TRAK1: variants seen among roughly 807,000 people sequenced by gnomAD.
The protein encoded by TRAK1 is trafficking kinesin protein 1, also known as trafficking kinesin-binding protein 1.
A neutral mutation model predicts 92.1 loss-of-function variants in TRAK1; 33 were observed. The ratio of observed to expected loss-of-function variants is 0.36; its 90% CI spans 0.27 to 0.48. The LOEUF is 0.48. Ranked by LOEUF, TRAK1 falls within the 20% of genes least tolerant of loss-of-function variation. The probability of loss-of-function intolerance (pLI) is 0.99; values close to 1 mark genes in which losing one functional copy is unlikely to be tolerated. For synonymous variants in TRAK1, 521 were observed against 517.3 expected (o/e 1.01, Z -0.10); for missense variants, 1,123 against 1,257.9 (o/e 0.89, Z 1.62).
At chr3:42,091,335 A>G, upstream of TRAK1, 4 of 740,344 alleles carry the variant, frequency 5.4e-6, no homozygotes, top group Non-Finnish European at 9.0e-6. Flanking sequence ...CAATCTTAGG[A>G]TTTGCCCTAA....
chr3:42,193,739 TC>T, intron 8 of TRAK1, 84 bp from the exon 9 acceptor site: 1 of 1,332,116 alleles, frequency 7.5e-7, no homozygotes, highest in South Asian at 1.2e-5. Context: ...AGTGATGAGT[TC>T]ATTACAGATT....
chr3:42,068,640 C>T (rs535050005), intron 1 of TRAK1, among the ~76,000 whole-genome samples: 11 of 152,248 alleles, frequency 7.2e-5, no homozygotes, highest in Admixed American at 5.2e-4. Context: ...AAATATAATT[C>T]GTCTCTACTT....
At chr3:42,085,572 G>A (rs1704632297), upstream of TRAK1, among the ~76,000 whole-genome samples, 1 of 152,180 alleles carries the variant, frequency 6.6e-6, no homozygotes, top group Admixed American at 6.5e-5. Flanking sequence ...AAACCTGTTG[G>A]GAAAAAGGTC....
chr3:42,119,199 G>A (rs1395860701), intron 1 of TRAK1, among the ~76,000 whole-genome samples: 2 of 152,292 alleles, frequency 1.3e-5, no homozygotes, highest in Non-Finnish European at 1.5e-5. Flanking sequence ...TTCTAACATC[G>A]TAGTGAAGTC....
At chr3:42,141,820 C>A (rs1165841368) in intron 2 of TRAK1, among the ~76,000 whole-genome samples, 6 of 152,146 alleles carry the variant, frequency 3.9e-5, no homozygotes, top group African/African-American at 1.2e-4. Context: ...AGGATGATGT[C>A]ATCTCAAGAC....
chr3:42,022,312 A>T (rs1376132421), intron 1 of TRAK1, among the ~76,000 whole-genome samples: 2 of 152,354 alleles, frequency 1.3e-5, no homozygotes, highest in Non-Finnish European at 2.9e-5. Flanking sequence ...GATTGTTATT[A>T]TTACAGCAGT....
chr3:42,216,817 T>G (rs1469812582), intron 14 of TRAK1, among the ~76,000 whole-genome samples: 3 of 152,190 alleles, frequency 2.0e-5, no homozygotes, highest in Non-Finnish European at 2.9e-5. Context: ...AATATGTGCC[T>G]GTCTCTTCAA....
intron 1 of TRAK1, among the ~76,000 whole-genome samples, chr3:42,120,736 C>A (rs567879640): frequency 2.0e-5 from 3 of 152,008 alleles, no homozygotes; most frequent in African/African-American, 7.3e-5. Context: ...TTAGTACAGA[C>A]GGGGTTTCAA....
At chr3:42,158,965 AATAATAAT>A (rs1700901819) in intron 2 of TRAK1, among the ~76,000 whole-genome samples, 1 of 22,050 alleles carries the variant, frequency 4.5e-5, no homozygotes, top group African/African-American at 1.1e-4. Flanking sequence ...TCTCAAAAAT[AATAATAAT>A]AATAATAATA....
At chr3:42,215,123 CT>C (rs984560521) in intron 14 of TRAK1, among the ~76,000 whole-genome samples, 1 of 152,132 alleles carries the variant, frequency 6.6e-6, no homozygotes, top group African/African-American at 2.4e-5. Flanking sequence ...CATCATAGAA[CT>C]TTTTTTCCCC....
At chr3:42,217,097 CT>C (rs550975120) in intron 14 of TRAK1, 9,122 of 146,476 alleles carry the variant, frequency 0.062, 726 homozygotes, top group African/African-American at 0.22. Context: ...CTCTCTCTCT[CT>C]TTTTTTTTTT....
At chr3:42,105,058 T>A (rs1310193349) in intron 1 of TRAK1, among the ~76,000 whole-genome samples, 1 of 150,930 alleles carries the variant, frequency 6.6e-6, no homozygotes, top group Non-Finnish European at 1.5e-5. Flanking sequence ...TTCAAGTGAG[T>A]CTCCTGCCTC....
In TRAK1 at chr3:42,223,229, C is replaced by T. The variant is rs201913227; in HGVS notation, c.2354C>T (p.Ser785Leu). Reference sequence around the variant, plus strand: ...GTGATCCCCTCTACTCCGCCGAACTCGCCTATGCAGACACCCACATCCTCC... The same window carrying T: ...GTGATCCCCTCTACTCCGCCGAACTTGCCTATGCAGACACCCACATCCTCC... Reference protein sequence around the residue: ...MAVIPSTPPNSPMQTPTSSPP... With the variant: ...MAVIPSTPPNLPMQTPTSSPP... The change falls in exon 16 of 16, where the codon TCG becomes TTG. Residue 785 changes from serine to leucine, a missense_variant. By Grantham distance (145) the Ser-to-Leu change is moderately radical (BLOSUM62 -2). Transcript: ENST00000327628. The surrounding 1 kb of genome is among the most constrained non-coding windows in gnomAD (Gnocchi z 6.1). The T allele has an allele frequency of 6.6e-4, 1,068 of 1,614,098 alleles. No individual in the cohort carries two copies. The highest frequency in any genetic ancestry group is 8.4e-4 in the Non-Finnish European group (991 of 1,180,044).
chr3:42,039,096 A>G (rs1490780025), intron 1 of TRAK1, among the ~76,000 whole-genome samples: 1 of 151,838 alleles, frequency 6.6e-6, no homozygotes, highest in Non-Finnish European at 1.5e-5. Context: ...CCCTCCCTCC[A>G]TTTCCCAGCC....
chr3:42,146,795 A>C (rs532781715), intron 2 of TRAK1, among the ~76,000 whole-genome samples: 2 of 152,280 alleles, frequency 1.3e-5, no homozygotes, highest in Non-Finnish European at 2.9e-5. Flanking sequence ...GCCTCAAACT[A>C]TCCTTCCTTC....
intron 14 of TRAK1, chr3:42,217,126 C>A (rs2149533775): frequency 1.0e-4 from 20 of 200,808 alleles, no homozygotes; most frequent in East Asian, 2.0e-4. Flanking sequence ...TTAGAACTTG[C>A]TCTCTTCCTG....
chr3:42,159,902 A>T (rs1701045873), intron 2 of TRAK1, among the ~76,000 whole-genome samples: 1 of 152,148 alleles, frequency 6.6e-6, no homozygotes, highest in Admixed American at 6.5e-5. Context: ...CCACCTTTAA[A>T]CAGGTGTGCC....
chr3:42,091,605 G>T, intron 1 of TRAK1, 45 bp downstream of exon 1: 1 of 1,581,636 alleles, frequency 6.3e-7, no homozygotes, highest in Non-Finnish European at 8.6e-7. Flanking sequence ...TTTCTTTGTG[G>T]TGTGGTCGGA....
chr3:42,201,362 A>G (rs1559376905), intron 12 of TRAK1, among the ~76,000 whole-genome samples: 1 of 152,024 alleles, frequency 6.6e-6, no homozygotes, highest in Non-Finnish European at 1.5e-5. Context: ...CAGGAGGCTG[A>G]GGCAGGAGAA....
Sources: allele counts gnomAD v4.1 joint callset (sites outside exome capture counted in the v4.1 genomes callset), GRCh38; gene constraint gnomAD v4.1.1; non-coding constraint Gnocchi (gnomAD v3.1); transcripts MANE v1.5; gene names NCBI Gene and HGNC (gene_info 2026-07-23, HGNC 2026-07-21).